KIAA2012: variants seen among roughly 807,000 people sequenced by gnomAD.
The protein encoded by KIAA2012 is KIAA2012, also known as uncharacterized protein KIAA2012.
A neutral mutation model predicts 150.6 loss-of-function variants in KIAA2012; 125 were observed. The ratio of observed to expected loss-of-function variants is 0.83; its 90% confidence interval spans 0.72 to 0.96. The LOEUF is 0.96. Among genes scored for constraint, KIAA2012 ranks in the 40% least tolerant of loss-of-function variants. KIAA2012 has a pLI of 0.00. For missense variants in KIAA2012, 1,219 were observed against 1,354.9 expected, an observed-to-expected ratio of 0.90 and a Z score of 1.57; for synonymous variants, 462 against 504.7, an observed-to-expected ratio of 0.92 and a Z score of 1.13.
chr2:202,186,955 C>A lies in KIAA2012; in HGVS notation c.2233C>A (p.His745Asn). The A allele has an allele frequency of 6.4e-7, 1 of 1,550,574 alleles. No homozygotes were observed. The highest frequency in any genetic ancestry group is 1.2e-5 in the South Asian group (1 of 84,046). Residue 745 changes from histidine to asparagine, a missense_variant, in exon 17 of 24, where the codon CAC becomes AAC. Transcript: ENST00000498697. ...QKVGRDYDVH[H>N]LHRGLLGYGP... ...AAGGGGCAGAGATTATGATGTACACCACCTACACAGAGGACTTCTGGGATA... is the reference window on the plus strand; with the variant it reads ...AAGGGGCAGAGATTATGATGTACACAACCTACACAGAGGACTTCTGGGATA...
intron 2 of KIAA2012, among the ~76,000 whole-genome samples, chr2:202,082,582 C>A (rs1449318152): frequency 2.2e-5 from 3 of 136,060 alleles, no homozygotes; most frequent in East Asian, 2.0e-4. Context: ...GGTGACAGGG[C>A]GAGAGTCTGT....
chr2:202,157,234 T>C (rs931159783), intron 14 of KIAA2012, among the ~76,000 whole-genome samples: 2 of 152,190 alleles, frequency 1.3e-5, no homozygotes, highest in African/African-American at 4.8e-5. Context: ...ATGGATGTGG[T>C]AGCTCCCAGA....
chr2:202,076,089 C>T (rs897574047), intron 2 of KIAA2012, among the ~76,000 whole-genome samples: 1 of 152,246 alleles, frequency 6.6e-6, no homozygotes, highest in African/African-American at 2.4e-5. Flanking sequence ...AGCTCCCACC[C>T]ATCCTTCAAA....
Position 202,188,173 on chromosome 2 carries a change from G to A in KIAA2012, c.2398G>A (p.Ala800Thr), listed in dbSNP as rs1294963969. The change falls in exon 18 of 24, where the codon GCC (alanine) becomes ACC (threonine). Residue 800 changes from alanine (A) to threonine (T), a missense_variant. Transcript: ENST00000498697. ...ISHERDLINE[A>T]KRKEKPKKDK... is the part of the protein sequence containing the mutation. Reference sequence around the variant, plus strand: ...TTAGGAGAGGGATTTGATTAACGAGGCCAAGAGAAAGGAAAAACCCAAGAA... The same window carrying A: ...TTAGGAGAGGGATTTGATTAACGAGACCAAGAGAAAGGAAAAACCCAAGAA... The A allele has an allele frequency of 6.4e-7, 1 of 1,550,522 alleles. No individual in the cohort carries two copies. Among genetic ancestry groups the A allele is most frequent in the South Asian group, 1.2e-5 (1 of 84,020 alleles).
At chr2:202,193,066 G>A (rs1209834107) in intron 19 of KIAA2012, among the ~76,000 whole-genome samples, 1 of 152,228 alleles carries the variant, frequency 6.6e-6, no homozygotes, top group African/African-American at 2.4e-5. Context: ...ATATCGGGAA[G>A]TTTAAGTTGT....
intron 15 of KIAA2012, 50 bp downstream of exon 15, chr2:202,165,406 A>G: frequency 4.0e-6 from 6 of 1,515,132 alleles, no homozygotes; most frequent in Non-Finnish European, 5.4e-6. Context: ...TAACTGTCAG[A>G]TGAACTTTGC....
rs778869584 is a variant in KIAA2012 at position 202,103,011 on chromosome 2, GA to G, written c.1222del (p.Ser408AlafsTer57). The part of the protein sequence containing the change: ...EPPRVLEPLK[S>X]QFKANEPPTE... The stretch of plus-strand genomic sequence containing the variant: ...CACCCAGAGTCTTGGAGCCCCTGAA[GA>G]GCCAATTTAAAGCCAATGAGCCCCC... On this transcript the variant is annotated frameshift_variant, in exon 8 of 24. Transcript: ENST00000498697. LOFTEE classifies it high-confidence loss of function. 27 of 1,550,392 alleles carry G rather than the reference GA, an allele frequency of 1.7e-5. No individual in the cohort carries two copies. The highest frequency in any genetic ancestry group is 4.1e-5 in the African/African-American group (3 of 73,000).
At chr2:202,101,733 C>T (rs1386920064) in intron 7 of KIAA2012, among the ~76,000 whole-genome samples, 1 of 152,150 alleles carries the variant, frequency 6.6e-6, no homozygotes, top group East Asian at 1.9e-4. Flanking sequence ...GTGTGGGCAG[C>T]CGGCACCTGG....
At chr2:202,172,655 A>T (rs1691918683) in intron 15 of KIAA2012, among the ~76,000 whole-genome samples, 1 of 152,218 alleles carries the variant, frequency 6.6e-6, no homozygotes, top group Non-Finnish European at 1.5e-5. Context: ...CAGCTTCAGG[A>T]ATAAACAGCT....
chr2:202,176,957 G>A (rs1289347582), intron 15 of KIAA2012, among the ~76,000 whole-genome samples: 1 of 152,120 alleles, frequency 6.6e-6, no homozygotes, highest in African/African-American at 2.4e-5. Context: ...ATCCTTTAGA[G>A]AAAGCATGTA....
chr2:202,097,392 C>T (rs753699626), intron 4 of KIAA2012, 43 bp from the exon 5 acceptor site: 3 of 1,546,550 alleles, frequency 1.9e-6, no homozygotes, highest in East Asian at 2.4e-5. Flanking sequence ...AACACCACGT[C>T]CATTTCCAGG....
chr2:202,174,429 AT>A (rs1691953674), intron 15 of KIAA2012, among the ~76,000 whole-genome samples: 1 of 152,214 alleles, frequency 6.6e-6, no homozygotes, highest in African/African-American at 2.4e-5. Flanking sequence ...TTTCCAGACT[AT>A]ATTATTACTT....
intron 11 of KIAA2012, chr2:202,113,806 C>T (rs534265131): frequency 6.9e-5 from 13 of 189,340 alleles, no homozygotes; most frequent in African/African-American, 1.6e-4. Context: ...GAGGTGGAGA[C>T]GGCTAATTGG....
intron 22 of KIAA2012, among the ~76,000 whole-genome samples, chr2:202,202,167 T>TA (rs973376356): frequency 1.3e-5 from 2 of 152,202 alleles, no homozygotes; most frequent in Non-Finnish European, 2.9e-5. Flanking sequence ...CCTCATCTCT[T>TA]AAATGAGGGA....
At chr2:202,150,798 C>A (rs1691411249) in intron 13 of KIAA2012, among the ~76,000 whole-genome samples, 1 of 152,120 alleles carries the variant, frequency 6.6e-6, no homozygotes, top group Non-Finnish European at 1.5e-5. Flanking sequence ...ATAAAAGAAA[C>A]AAAAAACCTT....
chr2:202,090,128 A>C (rs1481233122), intron 2 of KIAA2012, among the ~76,000 whole-genome samples: 1 of 152,218 alleles, frequency 6.6e-6, no homozygotes, highest in African/African-American at 2.4e-5. Context: ...GGTTGTAGTA[A>C]CTCAGTCCAC....
At chr2:202,204,328 CA>C (rs1176102302) in intron 23 of KIAA2012, among the ~76,000 whole-genome samples, 1 of 152,146 alleles carries the variant, frequency 6.6e-6, no homozygotes, top group Non-Finnish European at 1.5e-5. Flanking sequence ...CTGCCCACCT[CA>C]GCCTTCCAAA....
intron 12 of KIAA2012, among the ~76,000 whole-genome samples, chr2:202,132,613 G>A (rs747223760): frequency 2.7e-5 from 4 of 150,766 alleles, no homozygotes; most frequent in Admixed American, 6.7e-5. Context: ...GGTAGAGGTC[G>A]TAGTGAGCCA....
intron 11 of KIAA2012, among the ~76,000 whole-genome samples, chr2:202,123,602 G>A (rs368497870): frequency 6.6e-6 from 1 of 152,054 alleles, no homozygotes; most frequent in Non-Finnish European, 1.5e-5. Flanking sequence ...AAGCCCCACC[G>A]CAGTTTAGCA....
Sources: gnomAD v4.1 joint callset for allele counts (sites outside exome capture counted in the v4.1 genomes callset) on GRCh38, gnomAD v4.1.1 for gene constraint, MANE v1.5 for transcripts, NCBI Gene and HGNC (gene_info 2026-07-23, HGNC 2026-07-21) for gene names.